The following ACMSD variants were observed in gnomAD, a reference collection of about 807,000 sequenced individuals.
ACMSD encodes the protein aminocarboxymuconate semialdehyde decarboxylase, also known as 2-amino-3-carboxymuconate-6-semialdehyde decarboxylase.
A neutral mutation model predicts 45.9 loss-of-function variants in ACMSD; 37 were observed. The ratio of observed to expected loss-of-function variants is 0.81; its 90% CI spans 0.62 to 1.06. ACMSD has a LOEUF of 1.06. Among genes scored for constraint, ACMSD ranks in the 50% least tolerant of loss-of-function variants. The pLI is 0.00. For missense variants in ACMSD, 434 were observed against 420.9 expected (o/e 1.03, Z -0.27); for synonymous variants, 138 against 148.8 (o/e 0.93, Z 0.53).
At chr2:134,863,779 G>A (rs1332530497) in intron 5 of ACMSD, 148 bp downstream of exon 5, 1 of 793,726 alleles carries the variant, frequency 1.3e-6, no homozygotes, top group Non-Finnish European at 2.0e-6. Context: ...TAGAAGGTGT[G>A]GAAATAGCCC....
chr2:134,861,292 T>C (rs1237308580), intron 3 of ACMSD, among the ~76,000 whole-genome samples: 1 of 152,170 alleles, frequency 6.6e-6, no homozygotes, highest in Non-Finnish European at 1.5e-5. Context: ...CTTGAATGAC[T>C]GGTGTCAGAA....
intron 8 of ACMSD, among the ~76,000 whole-genome samples, chr2:134,875,460 C>G (rs1448915530): frequency 6.6e-6 from 1 of 152,178 alleles, no homozygotes. Context: ...TGAGCACCTG[C>G]TATTTCTAAA....
At chr2:134,874,668 G>A (rs1208680766) in intron 8 of ACMSD, among the ~76,000 whole-genome samples, 2 of 151,892 alleles carry the variant, frequency 1.3e-5, no homozygotes, top group Non-Finnish European at 2.9e-5. Context: ...GATATACATA[G>A]AAAATTAAGC....
chr2:134,898,385 G>C lies in ACMSD; in HGVS notation c.894G>C (p.Glu298Asp). 5.0e-6 allele frequency: 8 copies of C among 1,602,682 alleles called. No homozygotes were observed. Among genetic ancestry groups the C allele is most frequent in the Non-Finnish European group, 6.8e-6 (8 of 1,175,120 alleles). Residue 298 changes from glutamate to aspartate, a missense_variant, in exon 9 of 10, where the codon GAG becomes GAC. Transcript: ENST00000356140. ...LGTDYPFPLG[E>D]LEPGKLIESM... ...CCGATTACCCCTTTCCACTAGGTGA[G>C]CTGGAACCTGGGAAACTAATAGAGT...
intron 8 of ACMSD, among the ~76,000 whole-genome samples, chr2:134,885,312 T>TA (rs1363466415): frequency 9.9e-5 from 10 of 101,304 alleles, no homozygotes; most frequent in East Asian, 2.8e-4. Context: ...TTTAAATATA[T>TA]ATATATAAAT....
At chr2:134,885,292 T>TAGATATA (rs1689289187) in intron 8 of ACMSD, among the ~76,000 whole-genome samples, 1 of 99,632 alleles carries the variant, frequency 1.0e-5, no homozygotes, top group Non-Finnish European at 1.8e-5. Context: ...ATATTATATT[T>TAGATATA]ATATATATAT....
rs200534044 is a variant in ACMSD, at chr2:134,867,640, G to A, written c.548G>A (p.Arg183Gln). ...CCCTGGGACATGCAGATGGATGGACGAATGGCCAAATACTGGCTCCCTTGG... is the reference window on the plus strand; with the variant it reads ...CCCTGGGACATGCAGATGGATGGACAAATGGCCAAATACTGGCTCCCTTGG... ...VHPWDMQMDG[R>Q]MAKYWLPWLV... The change falls in exon 6 of 10, where the codon CGA becomes CAA. Residue 183 changes from arginine (R) to glutamine (Q), a missense_variant. Coordinates refer to ENST00000356140, the MANE Select transcript of ACMSD (RefSeq NM_138326.3). 32 of 1,613,706 alleles carry A rather than the reference G, an allele frequency of 2.0e-5. No homozygotes were observed. Among genetic ancestry groups the A allele is most frequent in the Admixed American group, 3.3e-5 (2 of 59,996 alleles).
chr2:134,875,946 G>T (rs931669902), intron 8 of ACMSD, among the ~76,000 whole-genome samples: 20 of 152,204 alleles, frequency 1.3e-4, no homozygotes, highest in African/African-American at 4.8e-4. Context: ...ATGGTATATA[G>T]CCTGATGCTC....
chr2:134,894,958 T>C (rs1345584645), intron 8 of ACMSD, among the ~76,000 whole-genome samples: 1 of 152,118 alleles, frequency 6.6e-6, no homozygotes, highest in East Asian at 1.9e-4. Flanking sequence ...ATAAATGAAA[T>C]TGAGGACACA....
Position 134,845,234 on chromosome 2 carries a change from G to A in ACMSD, c.59G>A (p.Arg20Lys), listed in dbSNP as rs765809589. The A allele has an allele frequency of 6.2e-7, 1 of 1,613,982 alleles. No homozygotes were observed. The highest frequency in any genetic ancestry group is 2.2e-5 in the East Asian group (1 of 44,888). Residue 20 changes from arginine (R) to lysine (K), a missense_variant and splice_region_variant, in exon 2 of 10, where the codon AGG (arginine) becomes AAG (lysine). Arg to Lys is a conservative substitution (Grantham distance 26, BLOSUM62 2). Transcript: ENST00000356140. ...LPKEWPDLKK[R>K]FGYGGWVQLQ... is the part of the protein sequence containing the mutation. ...TAACTGTGCTTCTCCCCACTGCAGAGGTTTGGCTACGGAGGCTGGGTGCAG... is the reference window on the plus strand; with the variant it reads ...TAACTGTGCTTCTCCCCACTGCAGAAGTTTGGCTACGGAGGCTGGGTGCAG...
At chr2:134,869,188 GATAAGTC>G (rs1688289991) in intron 6 of ACMSD, 1 of 150,714 alleles carries the variant, frequency 6.6e-6, no homozygotes, top group South Asian at 2.1e-4. Flanking sequence ...ACAAAACTCT[GATAAGTC>G]CCACAAGCTC....
At chr2:134,885,348 TA>T (rs1238010546) in intron 8 of ACMSD, among the ~76,000 whole-genome samples, 129 of 101,826 alleles carry the variant, frequency 1.3e-3, no homozygotes, top group Admixed American at 2.2e-3. Context: ...TATTTATATA[TA>T]ATATATATTT....
At chr2:134,857,983 A>G (rs1687660716) in intron 2 of ACMSD, 1 of 151,966 alleles carries the variant, frequency 6.6e-6, no homozygotes, top group South Asian at 2.1e-4. Flanking sequence ...TTTCCTGAGA[A>G]AAAGTAAAAA....
chr2:134,884,796 T>C (rs542221181), intron 8 of ACMSD, among the ~76,000 whole-genome samples: 1 of 152,324 alleles, frequency 6.6e-6, no homozygotes, highest in East Asian at 1.9e-4. Context: ...TATTATTTCA[T>C]ATAAATGTAT....
chr2:134,838,801 C>G (rs1686650881), intron 1 of ACMSD, 62 bp downstream of exon 1: 35 of 1,335,754 alleles, frequency 2.6e-5, no homozygotes, highest in Non-Finnish European at 3.6e-5. Flanking sequence ...CAATGCCTTT[C>G]TCTTCTTTGT....
chr2:134,861,835 G>A, intron 3 of ACMSD, 134 bp from the exon 4 acceptor site: 1 of 887,564 alleles, frequency 1.1e-6, no homozygotes, highest in Non-Finnish European at 1.9e-6. Flanking sequence ...CCAGGGAGAG[G>A]ACTGAGAGGG....
intron 8 of ACMSD, chr2:134,873,585 GAA>G (rs1420129601): frequency 1.3e-5 from 2 of 152,220 alleles, no homozygotes; most frequent in African/African-American, 4.8e-5. Flanking sequence ...CCCATCATTT[GAA>G]AGTTGCAAGT....
intron 4 of ACMSD, 74 bp from the exon 5 acceptor site, chr2:134,863,321 G>A: frequency 7.4e-7 from 1 of 1,350,998 alleles, no homozygotes; most frequent in Non-Finnish European, 1.1e-6. Context: ...GCCATGAGGA[G>A]GCACTGTTCA....
At position 134,867,661 on chromosome 2, in the gene ACMSD, CTT is replaced by C; in HGVS notation, c.570_571del (p.Trp191AlafsTer22). 1.2e-6 allele frequency: 2 copies of C among 1,613,486 alleles called. No individual in the cohort carries two copies. The highest frequency in any genetic ancestry group is 1.7e-6 in the Non-Finnish European group (2 of 1,179,634). ...GGACGAATGGCCAAATACTGGCTCC[CTT>C]GGCTTGTAGGTTTGTGTCTGTGTGG... On this transcript the variant is annotated frameshift_variant, in exon 6 of 10. Transcript: ENST00000356140. LOFTEE classifies it high-confidence loss of function.
Sources: allele counts gnomAD v4.1 joint callset (sites outside exome capture counted in the v4.1 genomes callset), GRCh38; gene constraint gnomAD v4.1.1; transcripts MANE v1.5; gene names NCBI Gene and HGNC (gene_info 2026-07-23, HGNC 2026-07-21).